Variants in CTPS2 observed in about 807,000 individuals in gnomAD.
The protein encoded by CTPS2 is CTP synthase 2.
A neutral mutation model predicts 46.8 loss-of-function variants in CTPS2; 19 were observed. The ratio of observed to expected loss-of-function variants is 0.41; its 90% CI spans 0.28 to 0.60. The LOEUF is 0.60. Among genes scored for constraint, CTPS2 ranks in the 20% least tolerant of loss-of-function variants. CTPS2 has a pLI of 0.35. For synonymous variants in CTPS2, 151 were observed against 165.2 expected (o/e 0.91, Z 0.66); for missense variants, 286 against 447.6 (o/e 0.64, Z 3.26).
chrX:16,678,593 T>C, intron 9 of CTPS2, 143 bp from the exon 10 acceptor site: 1 of 453,597 alleles, frequency 2.2e-6, no homozygotes, highest in Non-Finnish European at 3.8e-6. Context: ...AGAAAAACAG[T>C]CTCTGTTTTG....
chrX:16,659,474 T>C (rs1369718327), intron 13 of CTPS2, among the ~76,000 whole-genome samples: 2 of 110,649 alleles, frequency 1.8e-5, no homozygotes, highest in Non-Finnish European at 3.8e-5. Context: ...CAAGGCTGTT[T>C]AAAGAATGTG....
chrX:16,660,961 AT>A (rs375215374), intron 13 of CTPS2, among the ~76,000 whole-genome samples: 2,910 of 97,522 alleles, frequency 0.03, 30 homozygotes, highest in Middle Eastern at 0.052. Context: ...TTATAGCTGC[AT>A]TTTTTTTTTT....
At chrX:16,644,506 C>T (rs1932221319) in intron 13 of CTPS2, among the ~76,000 whole-genome samples, 1 of 111,070 alleles carries the variant, frequency 9.0e-6, no homozygotes, top group Non-Finnish European at 1.9e-5. Flanking sequence ...ACCACAAAGG[C>T]TCTTAAAACA....
intron 13 of CTPS2, among the ~76,000 whole-genome samples, chrX:16,644,794 C>A (rs778713935): frequency 8.9e-6 from 1 of 112,580 alleles, no homozygotes; most frequent in African/African-American, 3.2e-5. Flanking sequence ...CCATAGGAAT[C>A]TAATACCGTT....
chrX:16,617,230 A>G lies in CTPS2; in HGVS notation c.1466T>C (p.Ile489Thr). The change falls in exon 16 of 19, where the codon ATC becomes ACC. Residue 489 changes from isoleucine to threonine, a missense_variant. Coordinates refer to ENST00000359276, the MANE Select transcript of CTPS2 (RefSeq NM_175859.3). ...RHRFEVNPNLIKQFEQNDLSF... is the reference protein window; with the variant it reads ...RHRFEVNPNLTKQFEQNDLSF... ...TAAGTCATTCTGCTCAAATTGTTTG[A>G]TCAGGTTAGGGTTTACCTGCAAAAC... 8.3e-7 allele frequency: 1 copy of G among 1,208,702 alleles called. No homozygotes were observed. The highest frequency in any genetic ancestry group is 1.8e-5 in the South Asian group (1 of 56,741).
chrX:16,709,090 C>T (rs1343377946), intron 1 of CTPS2, among the ~76,000 whole-genome samples: 8 of 108,815 alleles, frequency 7.4e-5, no homozygotes, highest in Non-Finnish European at 1.5e-4. Flanking sequence ...GCCTGGGGGA[C>T]AAGAGCGAGA....
intron 14 of CTPS2, among the ~76,000 whole-genome samples, chrX:16,623,792 C>CTTTTTTTTTTTTTT (rs60328217): frequency 4.6e-5 from 1 of 21,683 alleles, no homozygotes; most frequent in Non-Finnish European, 7.6e-5. Context: ...CCCCTCAATT[C>CTTTTTTTTTTTTTT]TTTTTTTTTT....
chrX:16,665,212 C>G (rs762315627), intron 13 of CTPS2, among the ~76,000 whole-genome samples: 1 of 112,387 alleles, frequency 8.9e-6, no homozygotes, highest in South Asian at 3.7e-4. Flanking sequence ...GTTGCAGCCA[C>G]TTTGGAAAAC....
At chrX:16,634,003 C>T (rs1931613413) in intron 14 of CTPS2, among the ~76,000 whole-genome samples, 1 of 112,035 alleles carries the variant, frequency 8.9e-6, no homozygotes, top group African/African-American at 3.2e-5. Context: ...TGCCAGAAAC[C>T]ATGTGAAGTG....
intron 13 of CTPS2, among the ~76,000 whole-genome samples, chrX:16,661,952 G>A (rs1166947050): frequency 9.4e-6 from 1 of 106,095 alleles, no homozygotes; most frequent in African/African-American, 3.4e-5. Flanking sequence ...TTAGAGTTAA[G>A]CACATTCACA....
chrX:16,693,344 G>T, intron 5 of CTPS2, 27 bp downstream of exon 5: 1 of 1,095,187 alleles, frequency 9.1e-7, no homozygotes, highest in Non-Finnish European at 1.3e-6. Context: ...CAAAGTTGCT[G>T]TCCACATACT....
At chrX:16,632,366 G>A (rs748295835) in intron 14 of CTPS2, among the ~76,000 whole-genome samples, 2 of 111,614 alleles carry the variant, frequency 1.8e-5, no homozygotes, top group Admixed American at 9.5e-5. Context: ...CAGACCTGAA[G>A]GTAGAGCATC....
chrX:16,677,094 A>G (rs1203459887), intron 10 of CTPS2, among the ~76,000 whole-genome samples: 1 of 109,156 alleles, frequency 9.2e-6, no homozygotes, highest in African/African-American at 3.3e-5. Flanking sequence ...GGGATGGGTA[A>G]CGTAAAAATT....
At chrX:16,626,652 C>G (rs1931168354) in intron 14 of CTPS2, among the ~76,000 whole-genome samples, 1 of 111,400 alleles carries the variant, frequency 9.0e-6, no homozygotes, top group East Asian at 2.8e-4. Flanking sequence ...TGCCCTCTTG[C>G]TCTGACTCAC....
intron 17 of CTPS2, among the ~76,000 whole-genome samples, chrX:16,593,601 A>T (rs1264095262): frequency 1.9e-5 from 2 of 106,459 alleles, no homozygotes; most frequent in Non-Finnish European, 3.8e-5. Context: ...TCACAGACAA[A>T]TCTGCATAGG....
chrX:16,620,496 A>G (rs1352268069), intron 14 of CTPS2, among the ~76,000 whole-genome samples, 164 bp from the exon 15 acceptor site: 2 of 112,096 alleles, frequency 1.8e-5, no homozygotes, highest in Non-Finnish European at 3.8e-5. Flanking sequence ...CTTTTCTAAT[A>G]GAAGATGGCG....
At chrX:16,692,698 A>G (rs112908255) in intron 6 of CTPS2, among the ~76,000 whole-genome samples, 2 of 111,289 alleles carry the variant, frequency 1.8e-5, no homozygotes, top group African/African-American at 6.5e-5. Flanking sequence ...TCCCAGATAG[A>G]AAAACCTCAT....
chrX:16,690,884 T>C (rs1214869849), intron 7 of CTPS2, among the ~76,000 whole-genome samples: 1 of 112,188 alleles, frequency 8.9e-6, no homozygotes, highest in Non-Finnish European at 1.9e-5. Context: ...TGCTCGTGTG[T>C]TTGGGGTGAC....
At chrX:16,607,466 G>A (rs1419736029) in intron 17 of CTPS2, among the ~76,000 whole-genome samples, 1 of 112,712 alleles carries the variant, frequency 8.9e-6, no homozygotes, top group African/African-American at 3.2e-5. Context: ...CCCATGGCCT[G>A]CTCCCGCAGC....
Sources: allele counts gnomAD v4.1 joint callset (sites outside exome capture counted in the v4.1 genomes callset), GRCh38; gene constraint gnomAD v4.1.1; transcripts MANE v1.5; gene names NCBI Gene and HGNC (gene_info 2026-07-23, HGNC 2026-07-21).